Variants in SIN3B observed in about 807,000 individuals in gnomAD.
SIN3B encodes the protein paired amphipathic helix protein Sin3b.
A neutral mutation model predicts 120.2 loss-of-function variants in SIN3B; 19 were observed. The observed-to-expected ratio is 0.16, with a 90% CI of 0.11 to 0.23. The LOEUF (loss-of-function observed/expected upper bound fraction) is 0.23. Ranked by LOEUF, SIN3B falls within the 10% of genes least tolerant of loss-of-function variation. SIN3B has a pLI of 1.00. For synonymous variants in SIN3B, 654 were observed against 653.2 expected (o/e 1.00, Z -0.02); for missense variants, 1,073 against 1,573.0 (o/e 0.68, Z 5.38).
chr19:16,852,206 A>G lies in SIN3B; in HGVS notation c.849+672A>G, dbSNP rs143510108. ...CAGTGGCGCGATCTCGGCTCACTGCAAGCTCCGCCTCCCGGGTTCACGCCA... is the reference window on the plus strand; with the variant it reads ...CAGTGGCGCGATCTCGGCTCACTGCGAGCTCCGCCTCCCGGGTTCACGCCA... On this transcript the variant is annotated intron_variant, in intron 6 of 18. Transcript: ENST00000248054. 7.7e-3 allele frequency among the ~76,000 whole-genome samples: 1,163 copies of G among 151,888 alleles called. 13 individuals carry two copies. The highest frequency in any genetic ancestry group is 8.7e-3 in the Non-Finnish European group (592 of 67,948).
In SIN3B at chr19:16,865,638, G is replaced by A; in HGVS notation, c.1612G>A (p.Val538Ile). Residue 538 changes from valine (V) to isoleucine (I), a missense_variant, in exon 11 of 19, where the codon GTC becomes ATC. Val to Ile is a conservative substitution (Grantham distance 29). This residue lies in a region of SIN3B where 118 missense variants were observed against 281.6 expected (regional missense o/e 0.42). Transcript: ENST00000248054. Reference sequence around the variant, plus strand: ...GAACCCTGTCACCGCTGTCCCCGTTGTCCTGAAAAGGTGCCCTGTGGCGTC... The same window carrying A: ...GAACCCTGTCACCGCTGTCCCCGTTATCCTGAAAAGGTGCCCTGTGGCGTC... The part of the protein sequence containing the change: ...KKNPVTAVPV[V>I]LKRLKAKEEE... 1 of 1,600,506 alleles carries A rather than the reference G, an allele frequency of 6.2e-7. No individual in the cohort carries two copies.
chr19:16,865,738 T>C, intron 11 of SIN3B, 90 bp downstream of exon 11: 1 of 886,928 alleles, frequency 1.1e-6, no homozygotes, highest in Non-Finnish European at 1.7e-6. Context: ...AGGGAGCCCT[T>C]GGAGAGCTCA....
intron 7 of SIN3B, among the ~76,000 whole-genome samples, 155 bp from the exon 8 acceptor site, chr19:16,853,988 G>A (rs1160280481): frequency 3.3e-5 from 5 of 152,180 alleles, no homozygotes; most frequent in South Asian, 4.1e-4. Flanking sequence ...CATGGATTGC[G>A]TGCATGGGCT....
At chr19:16,875,196 CTGGTCTGGTCTGTCTGGTCTGGTT>C in intron 14 of SIN3B, among the ~76,000 whole-genome samples, 2 of 123,464 alleles carry the variant, frequency 1.6e-5, no homozygotes, top group Non-Finnish European at 1.6e-5. Flanking sequence ...CTGGTCTGGT[CTGGTCTGGTCTGTCTGGTCTGGTT>C]TGGTCTGGTC....
intron 12 of SIN3B, among the ~76,000 whole-genome samples, chr19:16,867,773 AC>A (rs1338103668): frequency 6.6e-6 from 1 of 151,496 alleles, no homozygotes; most frequent in Non-Finnish European, 1.5e-5. Flanking sequence ...GACTGTGGGG[AC>A]CCCCTTCCCT....
At position 16,851,460 on chromosome 19, in the gene SIN3B, CACG is replaced by C. The variant is rs760388153; in HGVS notation, c.778_780del (p.Asp260del). The C allele has an allele frequency of 5.6e-6, 9 of 1,609,842 alleles. No homozygotes were observed. In the East Asian group the frequency reaches 6.7e-5, roughly 12 times the overall value. Reference sequence around the variant, plus strand: ...GATGCACAGCGTGCAGAAGAACGAGCACGACAAGACCCCGGAGCACAGCAGGAA... The same window carrying C: ...GATGCACAGCGTGCAGAAGAACGAGCACAAGACCCCGGAGCACAGCAGGAA... On this transcript the variant is annotated inframe_deletion, in exon 6 of 19. Transcript: ENST00000248054.
At chr19:16,844,649 A>G (rs143178977) in intron 4 of SIN3B, among the ~76,000 whole-genome samples, 34 of 152,330 alleles carry the variant, frequency 2.2e-4, no homozygotes, top group African/African-American at 8.2e-4. Context: ...TGGGAAACAG[A>G]CTCAGGGTAT....
At chr19:16,870,274 G>C (rs1206317900) in intron 13 of SIN3B, among the ~76,000 whole-genome samples, 199 bp downstream of exon 13, 2 of 152,214 alleles carry the variant, frequency 1.3e-5, no homozygotes, top group Admixed American at 6.5e-5. Context: ...AGGCTCCCCT[G>C]GCCGTGGCAC....
At chr19:16,870,415 T>C (rs943226418) in intron 13 of SIN3B, among the ~76,000 whole-genome samples, 3 of 151,620 alleles carry the variant, frequency 2.0e-5, no homozygotes, top group Admixed American at 2.0e-4. Flanking sequence ...GATGGAGTCT[T>C]GCGCTGTTGC....
At chr19:16,870,712 G>A (rs571963818) in intron 13 of SIN3B, among the ~76,000 whole-genome samples, 542 of 61,934 alleles carry the variant, frequency 8.8e-3, no homozygotes, top group Admixed American at 0.015. Context: ...CACCATGTCC[G>A]GTTATTTTTT....
intron 5 of SIN3B, among the ~76,000 whole-genome samples, chr19:16,847,887 TC>T (rs1248285167): frequency 6.6e-6 from 1 of 152,118 alleles, no homozygotes; most frequent in African/African-American, 2.4e-5. Flanking sequence ...GGAGACCCAG[TC>T]CCCATCAGCA....
chr19:16,857,793 G>T (rs910737150), intron 8 of SIN3B, among the ~76,000 whole-genome samples: 3 of 152,204 alleles, frequency 2.0e-5, no homozygotes, highest in African/African-American at 7.2e-5. Context: ...ACCCAGGTGG[G>T]CATCGCCAAA....
Position 16,841,945 on chromosome 19 carries a change from C to T in SIN3B, c.559C>T (p.Leu187=), listed in dbSNP as rs1338864154. ...CCACCCAGAAATCTACAGGTCATTC[C>T]TGGAGATCCTGCACACGTACCAGGT... ...LDHPEIYRSF[L]EILHTYQKEQ... is the part of the protein sequence containing the mutation. Residue 187 remains leucine (L), a synonymous_variant, in exon 4 of 19, where the codon CTG becomes TTG. Coordinates refer to ENST00000248054, the MANE Select transcript of SIN3B (RefSeq NM_001297595.2). The T allele has an allele frequency of 4.3e-6, 7 of 1,613,916 alleles. No homozygotes were observed. In the East Asian group the frequency reaches 1.3e-4, roughly 31 times the overall value.
intron 14 of SIN3B, chr19:16,871,685 C>G (rs550655442): frequency 2.7e-4 from 97 of 355,334 alleles, no homozygotes; most frequent in African/African-American, 2.0e-3. Flanking sequence ...TGCCCATTCC[C>G]CTGCCCCGAG....
chr19:16,847,205 T>A, intron 5 of SIN3B, 92 bp downstream of exon 5: 1 of 1,421,254 alleles, frequency 7.0e-7, no homozygotes, highest in Non-Finnish European at 9.6e-7. Flanking sequence ...CAAGCCTATG[T>A]ACCCTCCAGG....
chr19:16,861,579 A>G (rs966575256), intron 8 of SIN3B, among the ~76,000 whole-genome samples: 6 of 152,132 alleles, frequency 3.9e-5, no homozygotes, highest in Admixed American at 1.3e-4. Flanking sequence ...CCTGGCCAAC[A>G]TGGGGAAACC....
Position 16,847,119 on chromosome 19 carries a change from T to G in SIN3B, c.726+6T>G. The G allele has an allele frequency of 6.2e-7, 1 of 1,605,674 alleles. No individual in the cohort carries two copies. The highest frequency in any genetic ancestry group is 8.5e-7 in the Non-Finnish European group (1 of 1,173,384). ...CCGAAGCCAAGCGGTCTCTGGTGAG[T>G]GCCGAGAGCCCCTGCCCAGCCTCGG... On this transcript the variant is annotated splice_donor_region_variant and intron_variant, in intron 5 of 18. Coordinates refer to ENST00000248054, the MANE Select transcript of SIN3B (RefSeq NM_001297595.2).
chr19:16,842,428 A>T (rs1971429938), intron 4 of SIN3B, among the ~76,000 whole-genome samples: 1 of 112,142 alleles, frequency 8.9e-6, no homozygotes. Flanking sequence ...TTTTTTTGAG[A>T]CAGGGTCTTG....
rs751839024 is a variant in SIN3B, at chr19:16,862,334, G to A, written c.1059-18G>A. ...GGCCCTGGGGATGACCAGTTACCATGTGTCTTTATCTTTGAAGGAAATTTC... is the reference window on the plus strand; with the variant it reads ...GGCCCTGGGGATGACCAGTTACCATATGTCTTTATCTTTGAAGGAAATTTC... On this transcript the variant is annotated intron_variant, in intron 8 of 18. Coordinates refer to ENST00000248054, the MANE Select transcript of SIN3B (RefSeq NM_001297595.2). This position sits in a 1 kb window ranked among gnomAD's most constrained non-coding sequence, Gnocchi z 4.7. The A allele has an allele frequency of 1.2e-6, 2 of 1,602,780 alleles. No homozygotes were observed. The highest frequency in any genetic ancestry group is 1.7e-5 in the Admixed American group (1 of 59,864).
Sources: allele counts gnomAD v4.1 joint callset (sites outside exome capture counted in the v4.1 genomes callset), GRCh38; gene constraint gnomAD v4.1.1; regional missense constraint gnomAD v4.1.1; non-coding constraint Gnocchi (gnomAD v3.1); transcripts MANE v1.5; gene names NCBI Gene and HGNC (gene_info 2026-07-23, HGNC 2026-07-21).